CGN: variants seen among roughly 807,000 people sequenced by gnomAD.
The protein encoded by CGN is cingulin.
Under a neutral mutation model 157.1 loss-of-function variants are expected in CGN, and 121 were observed. The ratio of observed to expected loss-of-function variants is 0.77; its 90% confidence interval spans 0.66 to 0.90. The LOEUF (loss-of-function observed/expected upper bound fraction) is 0.90. Ranked by LOEUF, CGN falls within the 40% of genes least tolerant of loss-of-function variation. The probability of loss-of-function intolerance (pLI) is 0.00; values close to 1 mark genes in which losing one functional copy is unlikely to be tolerated. For synonymous variants in CGN, 535 were observed against 607.5 expected (o/e 0.88, Z 1.76); for missense variants, 1,424 against 1,520.9 (o/e 0.94, Z 1.06).
intron 12 of CGN, 62 bp downstream of exon 12, chr1:151,530,177 G>A (rs1664802280): frequency 1.3e-6 from 2 of 1,507,588 alleles, no homozygotes; most frequent in Non-Finnish European, 1.8e-6. Context: ...CCTATGCTAA[G>A]TAGTTAGCCA....
At position 151,520,399 on chromosome 1, in the gene CGN, C is replaced by T. The variant is rs756652429; in HGVS notation, c.975-15C>T. 6 of 1,611,420 alleles carry T rather than the reference C, an allele frequency of 3.7e-6. No homozygotes were observed. The highest frequency in any genetic ancestry group is 1.1e-5 in the South Asian group (1 of 91,034). On this transcript the variant is annotated splice_polypyrimidine_tract_variant and intron_variant, in intron 3 of 20. Transcript: ENST00000271636. ...TTCCTCCCCTAACCCTTGCTTCTATCCTTTTATCCTCTAGAAGCTCAGAAA... is the reference window on the plus strand; with the variant it reads ...TTCCTCCCCTAACCCTTGCTTCTATTCTTTTATCCTCTAGAAGCTCAGAAA...
At chr1:151,530,225 C>T (rs1341471559) in intron 12 of CGN, 110 bp downstream of exon 12, 1 of 1,192,184 alleles carries the variant, frequency 8.4e-7, no homozygotes, top group Non-Finnish European at 1.2e-6. Flanking sequence ...TCTGTTTTGC[C>T]TCCCCAAACC....
At chr1:151,513,453 G>C (rs962370758) in intron 1 of CGN, among the ~76,000 whole-genome samples, 1 of 152,092 alleles carries the variant, frequency 6.6e-6, no homozygotes, top group Non-Finnish European at 1.5e-5. Context: ...TGAGAAAAAG[G>C]GTGCCAAATC....
intron 1 of CGN, among the ~76,000 whole-genome samples, chr1:151,516,335 A>C (rs190173267): frequency 6.6e-6 from 1 of 152,286 alleles, no homozygotes; most frequent in African/African-American, 2.4e-5. Context: ...GGAGACTAGC[A>C]GAAGGGGTGG....
At chr1:151,513,122 T>C (rs1051962012) in intron 1 of CGN, among the ~76,000 whole-genome samples, 1 of 152,208 alleles carries the variant, frequency 6.6e-6, no homozygotes, top group Non-Finnish European at 1.5e-5. Context: ...CCCTCTGTCC[T>C]CTCCTTCAGA....
chr1:151,524,501 G>T lies in CGN; in HGVS notation c.1401+143G>T. Reference sequence around the variant, plus strand: ...AGTGTGCTTTCAGGTAGATTCAATGGTGTGTTGGGACTAGAGTTAGGATAA... The same window carrying T: ...AGTGTGCTTTCAGGTAGATTCAATGTTGTGTTGGGACTAGAGTTAGGATAA... On this transcript the variant is annotated intron_variant, in intron 7 of 20. Coordinates refer to ENST00000271636, the MANE Select transcript of CGN (RefSeq NM_020770.3). The surrounding 1 kb of genome is among the most constrained non-coding windows in gnomAD (Gnocchi z 4.4). 1 of 1,344,246 alleles carries T rather than the reference G, an allele frequency of 7.4e-7. No individual in the cohort carries two copies. Among genetic ancestry groups the T allele is most frequent in the South Asian group, 1.3e-5 (1 of 75,498 alleles). The allele number at this position is 1,344,246 out of a possible 1,614,324, so 83.3% of individuals were successfully genotyped here. A position where few individuals can be genotyped will look rare whatever the true frequency, so the allele number is the denominator to read the frequency against.
chr1:151,532,214 G>A (rs7549296), intron 13 of CGN, among the ~76,000 whole-genome samples, 188 bp from the exon 14 acceptor site: 52,142 of 152,032 alleles, frequency 0.34, 9,394 homozygotes, highest in Non-Finnish European at 0.41. Flanking sequence ...ACCAGTAAGT[G>A]GTAGAGCCAG....
chr1:151,522,256 C>A (rs1664559353), intron 5 of CGN, among the ~76,000 whole-genome samples: 1 of 152,114 alleles, frequency 6.6e-6, no homozygotes, highest in African/African-American at 2.4e-5. Context: ...GGTGCCAGAG[C>A]AAGACCCTGT....
intron 10 of CGN, chr1:151,527,838 C>CACAT (rs71090184): frequency 3.2e-5 from 8 of 246,242 alleles, no homozygotes; most frequent in Non-Finnish European, 4.7e-5. Flanking sequence ...CACACACACA[C>CACAT]GAAAGACAAG....
chr1:151,513,606 A>T (rs762380385), intron 1 of CGN, among the ~76,000 whole-genome samples: 4 of 151,588 alleles, frequency 2.6e-5, no homozygotes, highest in Admixed American at 6.6e-5. Flanking sequence ...GCCTGGCCCT[A>T]TGTGAATCAG....
chr1:151,534,400 G>A, intron 15 of CGN: 1 of 475,110 alleles, frequency 2.1e-6, no homozygotes, highest in South Asian at 2.5e-5. Context: ...CTGGAGCTGA[G>A]CAGTGGGTTT....
intron 13 of CGN, among the ~76,000 whole-genome samples, chr1:151,532,185 A>G (rs1455002262): frequency 4.6e-5 from 7 of 152,192 alleles, no homozygotes; most frequent in African/African-American, 1.7e-4. Flanking sequence ...CCAGAGAGAT[A>G]AGTAACTTGC....
At chr1:151,534,968 G>A (rs1043854844) in intron 15 of CGN, 74 bp from the exon 16 acceptor site, 8 of 1,048,902 alleles carry the variant, frequency 7.6e-6, no homozygotes, top group Admixed American at 7.6e-5. Context: ...GCTGGAGTTT[G>A]AGAGGCTCCT....
At chr1:151,525,557 GC>G in intron 8 of CGN, 84 bp from the exon 9 acceptor site, 1 of 1,216,828 alleles carries the variant, frequency 8.2e-7, no homozygotes, top group Non-Finnish European at 1.1e-6. Flanking sequence ...CTGGGTCTAA[GC>G]CTTTCCTTGT....
In CGN at chr1:151,520,633, A is replaced by G; in HGVS notation, c.1082A>G (p.Gln361Arg). 1 of 1,614,234 alleles carries G rather than the reference A, an allele frequency of 6.2e-7. No homozygotes were observed. Among genetic ancestry groups the G allele is most frequent in the Non-Finnish European group, 8.5e-7 (1 of 1,180,040 alleles). Residue 361 changes from glutamine (Q) to arginine (R), a missense_variant, in exon 5 of 21, where the codon CAG (glutamine) becomes CGG (arginine). Coordinates refer to ENST00000271636, the MANE Select transcript of CGN (RefSeq NM_020770.3). ...GGTTCTACTAAGGCCGTGGCAGGGC[A>G]GGGTGAGCTTACCCGAAAAGTGGAG... is the stretch of plus-strand genomic sequence containing the variant. ...SSGSTKAVAG[Q>R]GELTRKVEEL...
chr1:151,534,914 A>G, intron 15 of CGN, 128 bp from the exon 16 acceptor site: 1 of 684,004 alleles, frequency 1.5e-6, no homozygotes, highest in South Asian at 1.8e-5. Flanking sequence ...CCAGGCAAGT[A>G]CCAAAAGGTT....
chr1:151,530,622 A>C lies in CGN; in HGVS notation c.2447A>C (p.Gln816Pro). 1 of 1,609,640 alleles carries C rather than the reference A, an allele frequency of 6.2e-7. No individual in the cohort carries two copies. The highest frequency in any genetic ancestry group is 8.5e-7 in the Non-Finnish European group (1 of 1,177,896). Reference protein sequence around the residue: ...QRGLARLGQEQQTLNRALEEE... With the variant: ...QRGLARLGQEPQTLNRALEEE... ...GGGCTGGCCCGCCTGGGGCAGGAGC[A>C]GCAGACACTGAACCGGGCCCTGGAG... The change falls in exon 13 of 21, where the codon CAG becomes CCG. Residue 816 changes from glutamine to proline, a missense_variant. This residue lies in a region of CGN where 1,187 missense variants were observed against 1,217.6 expected (regional missense o/e 0.97). Transcript: ENST00000271636.
At position 151,511,644 on chromosome 1, in the gene CGN, G is replaced by A. The variant is rs373333781; in HGVS notation, c.-15+129G>A. On this transcript the variant is annotated intron_variant, in intron 1 of 20. Transcript: ENST00000271636. This position sits in a 1 kb window ranked among gnomAD's most constrained non-coding sequence, Gnocchi z 4.8. The stretch of plus-strand genomic sequence containing the variant: ...GGCACCGGTGCCGAGTGGGAGACGG[G>A]AGGAGGGGAGATTGGGGCGGGGTGG... 3 of 152,494 alleles carry A rather than the reference G, an allele frequency of 2.0e-5. No homozygotes were observed. The highest frequency in any genetic ancestry group is 7.2e-5 in the African/African-American group (3 of 41,400). 9.4% of individuals were successfully genotyped at this position (152,494 alleles called of 1,614,324 possible).
At chr1:151,532,350 T>C in intron 13 of CGN, 52 bp from the exon 14 acceptor site, 1 of 1,364,062 alleles carries the variant, frequency 7.3e-7, no homozygotes, top group Non-Finnish European at 9.7e-7. Flanking sequence ...AGTCTGGGCC[T>C]GGAGAGGGTC....
Sources: gnomAD v4.1 joint callset for allele counts (sites outside exome capture counted in the v4.1 genomes callset) on GRCh38, gnomAD v4.1.1 for gene constraint, gnomAD v4.1.1 regional missense constraint, Gnocchi (gnomAD v3.1) non-coding constraint, MANE v1.5 for transcripts, NCBI Gene and HGNC (gene_info 2026-07-23, HGNC 2026-07-21) for gene names.